The following TTLL11 variants were observed in gnomAD, a reference collection of about 807,000 sequenced individuals.
TTLL11 encodes tubulin polyglutamylase TTLL11.
TTLL11 carries 42 observed loss-of-function variants against 51.7 expected under a neutral mutation model. The ratio of observed to expected loss-of-function variants is 0.81; its 90% CI spans 0.64 to 1.05. TTLL11 has a LOEUF of 1.05. TTLL11 is among the 50% of genes least tolerant of loss of function. TTLL11 has a pLI of 0.00. For missense variants in TTLL11, 799 were observed against 940.4 expected (o/e 0.85, Z 1.97); for synonymous variants, 381 against 383.5 (o/e 0.99, Z 0.08).
At position 121,989,152 on chromosome 9, in the gene TTLL11, C is replaced by T. The variant is rs377483519; in HGVS notation, c.1269+43G>A. ...CGAAGCCAGAGAGCCCTCTTGAGGC[C>T]GGTCAAGGCTGGAAACGCAGGCTGG... On this transcript the variant is annotated intron_variant, in intron 4 of 8. Coordinates refer to ENST00000321582, the MANE Select transcript of TTLL11 (RefSeq NM_001139442.2). The surrounding 1 kb of genome is among the most constrained non-coding windows in gnomAD (Gnocchi z 4.2). 1.0e-3 allele frequency: 1,612 copies of T among 1,600,628 alleles called. 35 individuals carry two copies. In the South Asian group the frequency reaches 0.016, roughly 16 times the overall value.
chr9:121,899,378 CATATATATATATATAT>C (rs747040027), intron 6 of TTLL11, among the ~76,000 whole-genome samples: 2 of 130,464 alleles, frequency 1.5e-5, no homozygotes, highest in Admixed American at 8.2e-5. Context: ...TATATATATA[CATATATATATATATAT>C]ATATATATAC....
intron 6 of TTLL11, among the ~76,000 whole-genome samples, chr9:121,968,752 G>A (rs181149643): frequency 1.3e-5 from 2 of 151,524 alleles, no homozygotes; most frequent in African/African-American, 2.4e-5. Context: ...GTAGAGACAG[G>A]GTTTCACCAT....
chr9:121,869,286 T>A (rs1588082397), intron 7 of TTLL11, among the ~76,000 whole-genome samples: 1 of 152,354 alleles, frequency 6.6e-6, no homozygotes, highest in East Asian at 1.9e-4. Flanking sequence ...TTTATAAAAC[T>A]TCTTTGGAGA....
chr9:121,937,685 G>A (rs1841288668), intron 6 of TTLL11, among the ~76,000 whole-genome samples: 2 of 150,974 alleles, frequency 1.3e-5, no homozygotes, highest in African/African-American at 4.9e-5. Flanking sequence ...ATTAAGAGAT[G>A]TCCCTCCCTA....
At chr9:121,992,784 CT>C (rs1843151422) in intron 3 of TTLL11, among the ~76,000 whole-genome samples, 2 of 152,164 alleles carry the variant, frequency 1.3e-5, no homozygotes, top group African/African-American at 4.8e-5. Flanking sequence ...CTACTGAAAA[CT>C]TTATGTGGCT....
intron 1 of TTLL11, among the ~76,000 whole-genome samples, chr9:122,089,346 C>T (rs1357562819): frequency 6.6e-6 from 1 of 152,208 alleles, no homozygotes; most frequent in Non-Finnish European, 1.5e-5. Flanking sequence ...GCTCCTAAAA[C>T]AGCGCTGGGA....
chr9:121,841,014 G>A (rs1329900746), intron 8 of TTLL11, among the ~76,000 whole-genome samples: 5 of 152,144 alleles, frequency 3.3e-5, no homozygotes, highest in African/African-American at 7.2e-5. Flanking sequence ...AGGTGTGCCT[G>A]GAATCAACAG....
At chr9:122,014,826 G>A (rs1370432430) in intron 3 of TTLL11, among the ~76,000 whole-genome samples, 4 of 152,094 alleles carry the variant, frequency 2.6e-5, no homozygotes, top group South Asian at 2.1e-4. Context: ...GAAAGATGAC[G>A]GGATGTAGAC....
chr9:121,913,168 A>T (rs894305531), intron 6 of TTLL11, among the ~76,000 whole-genome samples: 52 of 152,142 alleles, frequency 3.4e-4, no homozygotes, highest in Admixed American at 3.0e-3. Flanking sequence ...TGTTTGTTTT[A>T]TCATAAGAGC....
chr9:121,957,626 T>A (rs1219751216), intron 6 of TTLL11, among the ~76,000 whole-genome samples: 1 of 151,714 alleles, frequency 6.6e-6, no homozygotes, highest in Non-Finnish European at 1.5e-5. Context: ...GGGCAAGGAG[T>A]CCTTGAGGCC....
intron 3 of TTLL11, among the ~76,000 whole-genome samples, chr9:122,014,092 A>G (rs1428186505): frequency 6.6e-6 from 1 of 152,118 alleles, no homozygotes; most frequent in Admixed American, 6.5e-5. Context: ...ATGGTCAGGC[A>G]CGTGGCTCAC....
chr9:122,012,657 T>TACAC (rs1226373802), intron 3 of TTLL11, among the ~76,000 whole-genome samples: 23 of 119,146 alleles, frequency 1.9e-4, no homozygotes, highest in African/African-American at 8.6e-4. Flanking sequence ...GAGGAAAAAA[T>TACAC]ACACATACAC....
intron 1 of TTLL11, among the ~76,000 whole-genome samples, chr9:122,050,192 C>A (rs568095166): frequency 1.3e-5 from 2 of 152,320 alleles, no homozygotes; most frequent in South Asian, 2.1e-4. Context: ...ACTGCGATAA[C>A]ACATGGGAAA....
chr9:121,896,702 G>T (rs1411755635), intron 6 of TTLL11, among the ~76,000 whole-genome samples: 1 of 152,140 alleles, frequency 6.6e-6, no homozygotes, highest in Non-Finnish European at 1.5e-5. Context: ...GGATGACTAC[G>T]CAGACCCTGG....
At chr9:121,937,458 G>C (rs141077643) in intron 6 of TTLL11, among the ~76,000 whole-genome samples, 2 of 152,132 alleles carry the variant, frequency 1.3e-5, no homozygotes, top group African/African-American at 4.8e-5. Context: ...CCAAAACCAG[G>C]GCACCTGGCA....
intron 6 of TTLL11, among the ~76,000 whole-genome samples, chr9:121,961,127 A>T (rs1423959915): frequency 6.6e-6 from 1 of 152,202 alleles, no homozygotes; most frequent in Non-Finnish European, 1.5e-5. Flanking sequence ...CTGATAATCT[A>T]ACAGATCATT....
chr9:121,866,419 G>A (rs960491796), intron 7 of TTLL11, among the ~76,000 whole-genome samples: 2 of 152,150 alleles, frequency 1.3e-5, no homozygotes, highest in African/African-American at 4.8e-5. Context: ...CAGCACTTTG[G>A]GAGGCTGAGG....
chr9:121,895,550 CAT>C lies in TTLL11; in HGVS notation c.1482-24804_1482-24803del, dbSNP rs924030622. ...GACTGTGACTGTGTGTTTCGTTGTA[CAT>C]ATGTGTGTGTCTGTGTGGTTGTGTG... On this transcript the variant is annotated intron_variant, in intron 6 of 8. Coordinates refer to ENST00000321582, the MANE Select transcript of TTLL11 (RefSeq NM_001139442.2). Among the ~76,000 whole-genome samples, 9 of 143,688 alleles carry C rather than the reference CAT, an allele frequency of 6.3e-5. No homozygotes were observed. The South Asian group carries it at 6.9e-4, about 11-fold the overall frequency. The allele number at this position is 143,688 out of a possible 152,430, so 94.3% of individuals were successfully genotyped here. A position where few individuals can be genotyped will look rare whatever the true frequency, so the allele number is the denominator to read the frequency against.
At chr9:121,827,132 T>G (rs886237789) in intron 8 of TTLL11, among the ~76,000 whole-genome samples, 1 of 152,138 alleles carries the variant, frequency 6.6e-6, no homozygotes, top group Non-Finnish European at 1.5e-5. Flanking sequence ...CATTTTTTTT[T>G]ATAGTGATAG....
Sources: allele counts gnomAD v4.1 joint callset (sites outside exome capture counted in the v4.1 genomes callset), GRCh38; gene constraint gnomAD v4.1.1; non-coding constraint Gnocchi (gnomAD v3.1); transcripts MANE v1.5; gene names NCBI Gene and HGNC (gene_info 2026-07-23, HGNC 2026-07-21).